Variants in MLPH observed in about 807,000 individuals in gnomAD.
The protein encoded by MLPH is exophilin-3.
Under a neutral mutation model 72.1 loss-of-function variants are expected in MLPH, and 51 were observed. That is an observed-to-expected ratio of 0.71 (90% CI 0.56 to 0.89). The LOEUF (loss-of-function observed/expected upper bound fraction) is 0.89, where lower values mean the gene tolerates loss of function less well. MLPH is among the 40% of genes least tolerant of loss of function. The probability of loss-of-function intolerance (pLI) is 0.00; values close to 1 mark genes in which losing one functional copy is unlikely to be tolerated. For missense variants in MLPH, 743 were observed against 759.9 expected (o/e 0.98, Z 0.26); for synonymous variants, 301 against 310.1 (o/e 0.97, Z 0.31).
At chr2:237,551,051 T>G (rs1006680427) in intron 14 of MLPH, among the ~76,000 whole-genome samples, 3 of 152,198 alleles carry the variant, frequency 2.0e-5, no homozygotes, top group Non-Finnish European at 4.4e-5. Context: ...CCCTTCACAT[T>G]TCTCCCCGCC....
At position 237,546,126 on chromosome 2, in the gene MLPH, T is replaced by C. The variant is rs149910494; in HGVS notation, c.1540-480T>C. On this transcript the variant is annotated intron_variant, in intron 12 of 15. Transcript: ENST00000264605. ...TTAAGTGGGGGCTTCCTGGTTGTAG[T>C]AGATAAGAGACAAAAGGTTGCATTC... Among the ~76,000 whole-genome samples the C allele has an allele frequency of 3.0e-4, 46 of 152,340 alleles. No individual in the cohort carries two copies. The East Asian group carries it at 7.5e-3, about 25-fold the overall frequency.
chr2:237,546,894 G>A (rs1488050641), intron 13 of MLPH, among the ~76,000 whole-genome samples: 1 of 151,778 alleles, frequency 6.6e-6, no homozygotes, highest in African/African-American at 2.4e-5. Context: ...TTGTGTAGAT[G>A]CATTTGTTGA....
chr2:237,524,664 G>A (rs10183995), intron 6 of MLPH, among the ~76,000 whole-genome samples: 25,447 of 152,064 alleles, frequency 0.17, 2,371 homozygotes, highest in African/African-American at 0.23. Context: ...TGCATCCCTC[G>A]ATCCAATCAA....
At chr2:237,492,263 G>T (rs974048365) in intron 1 of MLPH, among the ~76,000 whole-genome samples, 1 of 152,154 alleles carries the variant, frequency 6.6e-6, no homozygotes, top group Non-Finnish European at 1.5e-5. Context: ...GATCATCTGA[G>T]GTTTGACTTC....
intron 4 of MLPH, 41 bp from the exon 5 acceptor site, chr2:237,518,498 C>T: frequency 1.3e-6 from 2 of 1,528,970 alleles, no homozygotes; most frequent in Non-Finnish European, 1.8e-6. Context: ...TGTTCCCAGA[C>T]TGTTTGTCCT....
rs1253504864 is a variant in MLPH, at chr2:237,512,282, T to G, written c.445+1181T>G. On this transcript the variant is annotated intron_variant, in intron 4 of 15. Coordinates refer to ENST00000264605, the MANE Select transcript of MLPH (RefSeq NM_024101.7). The surrounding 1 kb of genome is among the most constrained non-coding windows in gnomAD (Gnocchi z 5.5). ...GAAGCAGAAGTTGGCATAGACACCT[T>G]TGAGCATTCAAGCTCTCGCCGGGCC... Among the ~76,000 whole-genome samples, 1 of 152,196 alleles carries G rather than the reference T, an allele frequency of 6.6e-6. No individual in the cohort carries two copies. The highest frequency in any genetic ancestry group is 1.5e-5 in the Non-Finnish European group (1 of 68,034).
At chr2:237,500,741 C>G (rs1055009006) in intron 2 of MLPH, among the ~76,000 whole-genome samples, 2 of 152,052 alleles carry the variant, frequency 1.3e-5, no homozygotes, top group African/African-American at 4.8e-5. Flanking sequence ...GTTAAGTTCC[C>G]AGGACTCATG....
Position 237,500,722 on chromosome 2 carries a change from G to A in MLPH, c.110+7186G>A, listed in dbSNP as rs544584637. Among the ~76,000 whole-genome samples the A allele has an allele frequency of 5.3e-5, 8 of 152,166 alleles. No homozygotes were observed. In the East Asian group the frequency reaches 9.7e-4, roughly 18 times the overall value. On this transcript the variant is annotated intron_variant, in intron 2 of 15. Coordinates refer to ENST00000264605, the MANE Select transcript of MLPH (RefSeq NM_024101.7). ...CCCATCCCCATCTTGGATGCAGGCT[G>A]TTGCCAAAGTTAAGTTCCCAGGACT...
intron 9 of MLPH, among the ~76,000 whole-genome samples, chr2:237,537,063 C>T (rs533044067): frequency 2.0e-5 from 3 of 152,338 alleles, no homozygotes; most frequent in African/African-American, 7.2e-5. Flanking sequence ...TGAGAGGCAG[C>T]GGGGCCCTCC....
chr2:237,519,823 G>A (rs1356171973), intron 5 of MLPH, 87 bp from the exon 6 acceptor site: 3 of 1,597,814 alleles, frequency 1.9e-6, no homozygotes, highest in South Asian at 1.1e-5. Flanking sequence ...TGGGGGCTGA[G>A]TGTGGGGTTG....
At chr2:237,514,764 T>C (rs1204127899) in intron 4 of MLPH, among the ~76,000 whole-genome samples, 1 of 152,240 alleles carries the variant, frequency 6.6e-6, no homozygotes, top group Admixed American at 6.5e-5. Flanking sequence ...ACAGCTTTTA[T>C]CTTTAAGAGA....
At position 237,505,978 on chromosome 2, in the gene MLPH, C is replaced by A. The variant is rs553307278; in HGVS notation, c.111-4596C>A. Among the ~76,000 whole-genome samples, 62 of 120,198 alleles carry A rather than the reference C, an allele frequency of 5.2e-4. No homozygotes were observed. The highest frequency in any genetic ancestry group is 7.7e-4 in the Non-Finnish European group (52 of 67,780). The allele number at this position is 120,198 out of a possible 152,430, so 78.9% of individuals were successfully genotyped here. On this transcript the variant is annotated intron_variant, in intron 2 of 15. Transcript: ENST00000264605. The surrounding 1 kb of genome is among the most constrained non-coding windows in gnomAD (Gnocchi z 4.5). ...TCCAGGGCTCTGTCTCCCCTGGGAG[C>A]TCACTTTCTCGGCCTTTGCCATCAT...
chr2:237,526,246 C>G (rs1352714580), intron 7 of MLPH, among the ~76,000 whole-genome samples: 1 of 152,128 alleles, frequency 6.6e-6, no homozygotes, highest in African/African-American at 2.4e-5. Flanking sequence ...TTAACTTTGT[C>G]GTCAGTTTTG....
intron 6 of MLPH, among the ~76,000 whole-genome samples, chr2:237,524,494 C>G (rs1011854979): frequency 1.3e-4 from 20 of 151,870 alleles, no homozygotes; most frequent in African/African-American, 4.6e-4. Flanking sequence ...GGAGGCTAGG[C>G]CTGTCTTGTC....
chr2:237,523,291 C>A (rs1336153429), intron 6 of MLPH, among the ~76,000 whole-genome samples: 2 of 152,108 alleles, frequency 1.3e-5, no homozygotes, highest in Non-Finnish European at 1.5e-5. Flanking sequence ...TGGGTATGAA[C>A]CTTTTTTGCA....
At chr2:237,492,460 T>C (rs1336176438) in intron 1 of MLPH, among the ~76,000 whole-genome samples, 1 of 138,604 alleles carries the variant, frequency 7.2e-6, no homozygotes, top group Non-Finnish European at 1.5e-5. Context: ...AGAACTCGTC[T>C]CTAAAAAAAA....
intron 9 of MLPH, among the ~76,000 whole-genome samples, chr2:237,534,876 T>G (rs1389835797): frequency 2.6e-5 from 4 of 152,156 alleles, no homozygotes; most frequent in Admixed American, 6.5e-5. Flanking sequence ...AGAGCTTGAA[T>G]GAGAGAATGC....
At chr2:237,488,373 G>A (rs2079362160) in intron 1 of MLPH, among the ~76,000 whole-genome samples, 1 of 144,224 alleles carries the variant, frequency 6.9e-6, no homozygotes, top group Admixed American at 6.8e-5. Context: ...ATCTGTCCTA[G>A]GAAACCCATC....
rs760723788 is a variant in MLPH at position 237,534,660 on chromosome 2, G to T, written c.1104+13G>T. The T allele has an allele frequency of 5.0e-6, 8 of 1,610,506 alleles. No homozygotes were observed. The East Asian group carries it at 1.3e-4, about 27-fold the overall frequency. On this transcript the variant is annotated intron_variant, in intron 9 of 15. Transcript: ENST00000264605. ...TCCCTTGGCCAAGGTAACACTGGGGGCTGGGCAAAGAGAAAGGGCCCCCAC... is the reference window on the plus strand; with the variant it reads ...TCCCTTGGCCAAGGTAACACTGGGGTCTGGGCAAAGAGAAAGGGCCCCCAC...
Sources: gnomAD v4.1 joint callset for allele counts (sites outside exome capture counted in the v4.1 genomes callset) on GRCh38, gnomAD v4.1.1 for gene constraint, Gnocchi (gnomAD v3.1) non-coding constraint, MANE v1.5 for transcripts, NCBI Gene and HGNC (gene_info 2026-07-23, HGNC 2026-07-21) for gene names.